Variants in FAT3 observed in about 807,000 individuals in gnomAD.
FAT3 encodes protocadherin Fat 3.
In FAT3, 95 loss-of-function variants were observed where a neutral mutation model predicts 310.2. The observed-to-expected ratio is 0.31, with a 90% CI of 0.26 to 0.36. The LOEUF (loss-of-function observed/expected upper bound fraction) is 0.36, where lower values mean the gene tolerates loss of function less well. Ranked by LOEUF, FAT3 falls within the 10% of genes least tolerant of loss-of-function variation. FAT3 has a pLI of 1.00. For synonymous variants in FAT3, 2,314 were observed against 2,192.9 expected (o/e 1.06, Z -1.54); for missense variants, 5,408 against 5,715.6 (o/e 0.95, Z 1.74).
At chr11:92,707,891 T>A (rs902684176) in intron 4 of FAT3, among the ~76,000 whole-genome samples, 4 of 152,194 alleles carry the variant, frequency 2.6e-5, no homozygotes, top group South Asian at 2.1e-4. Context: ...GACAGCAAGT[T>A]TAAAATATGG....
At chr11:92,311,073 TAC>T (rs907692960) in intron 1 of FAT3, among the ~76,000 whole-genome samples, 59 of 151,896 alleles carry the variant, frequency 3.9e-4, no homozygotes, top group South Asian at 8.3e-4. Context: ...TGTGTACATA[TAC>T]ACACACACAT....
chr11:92,433,526 C>T (rs1004983583), intron 2 of FAT3, among the ~76,000 whole-genome samples: 3 of 152,112 alleles, frequency 2.0e-5, no homozygotes, highest in Admixed American at 2.0e-4. Flanking sequence ...TGAGGCGATG[C>T]CCCACCCTAC....
intron 2 of FAT3, among the ~76,000 whole-genome samples, chr11:92,478,953 T>TTTC (rs373667758): frequency 0.22 from 20,343 of 92,352 alleles, 3,036 homozygotes; most frequent in East Asian, 0.34. Context: ...TCTTTCTTTC[T>TTTC]TTTCTTTTCT....
intron 1 of FAT3, among the ~76,000 whole-genome samples, chr11:92,349,298 C>T (rs748371800): frequency 2.0e-5 from 3 of 152,140 alleles, no homozygotes; most frequent in African/African-American, 4.8e-5. Context: ...CTTACTTTAC[C>T]GTGTTCACAT....
At chr11:92,839,809 A>G (rs1448723921) in intron 17 of FAT3, among the ~76,000 whole-genome samples, 1 of 152,232 alleles carries the variant, frequency 6.6e-6, no homozygotes, top group East Asian at 1.9e-4. Flanking sequence ...GCCGTTTTCA[A>G]CGTGAGGATG....
At chr11:92,436,956 A>G (rs980419327) in intron 2 of FAT3, among the ~76,000 whole-genome samples, 2 of 152,050 alleles carry the variant, frequency 1.3e-5, no homozygotes, top group East Asian at 3.9e-4. Flanking sequence ...GTTTTATGAC[A>G]TTTTCCTAGT....
At chr11:92,870,939 A>G (rs1949371338) in intron 22 of FAT3, among the ~76,000 whole-genome samples, 1 of 152,008 alleles carries the variant, frequency 6.6e-6, no homozygotes, top group South Asian at 2.1e-4. Flanking sequence ...CCACCTACCC[A>G]CCCTCATTTT....
chr11:92,864,516 T>C (rs1409854785), intron 21 of FAT3, among the ~76,000 whole-genome samples: 2 of 152,154 alleles, frequency 1.3e-5, no homozygotes, highest in Non-Finnish European at 2.9e-5. Flanking sequence ...ACAAAGATGA[T>C]AGCATAAGAT....
chr11:92,689,824 A>T (rs1014031750), intron 3 of FAT3, among the ~76,000 whole-genome samples: 6 of 152,170 alleles, frequency 3.9e-5, no homozygotes, highest in African/African-American at 1.4e-4. Context: ...GGACTTTGGA[A>T]GTATTGTCTA....
chr11:92,762,868 G>C (rs1946192468), intron 5 of FAT3, among the ~76,000 whole-genome samples: 1 of 152,006 alleles, frequency 6.6e-6, no homozygotes, highest in Non-Finnish European at 1.5e-5. Context: ...GCATGGTCCA[G>C]GGTCCCAACA....
At chr11:92,424,756 C>T (rs75555574) in intron 2 of FAT3, among the ~76,000 whole-genome samples, 7,261 of 152,120 alleles carry the variant, frequency 0.048, 540 homozygotes, top group African/African-American at 0.15. Flanking sequence ...CACCTCCTTA[C>T]GTTTTGAATT....
chr11:92,698,316 A>G (rs932033174), intron 4 of FAT3, among the ~76,000 whole-genome samples: 2 of 152,184 alleles, frequency 1.3e-5, no homozygotes, highest in African/African-American at 4.8e-5. Context: ...AAATCTGATG[A>G]TAGAATCTCT....
intron 4 of FAT3, among the ~76,000 whole-genome samples, chr11:92,748,188 A>G (rs538359269): frequency 6.6e-6 from 1 of 152,204 alleles, no homozygotes; most frequent in Non-Finnish European, 1.5e-5. Flanking sequence ...TGGAAGGTGA[A>G]TGAGGAGTAA....
At chr11:92,652,794 C>A (rs1942434004) in intron 3 of FAT3, among the ~76,000 whole-genome samples, 1 of 152,208 alleles carries the variant, frequency 6.6e-6, no homozygotes. Context: ...GAAGGTGCTA[C>A]CACCTCTTCC....
chr11:92,834,965 G>T lies in FAT3; in HGVS notation c.9967G>T (p.Ala3323Ser). 6.2e-7 allele frequency: 1 copy of T among 1,613,318 alleles called. No individual in the cohort carries two copies. Among genetic ancestry groups the T allele is most frequent in the Non-Finnish European group, 8.5e-7 (1 of 1,179,636 alleles). Residue 3323 changes from alanine (A) to serine (S), a missense_variant, in exon 15 of 28, where the codon GCT becomes TCT. Around this residue, in one of 5 missense-constraint regions of FAT3, gnomAD observed 4,588 missense variants for 4,809.8 expected, o/e 0.95. Coordinates refer to ENST00000525166, the MANE Select transcript of FAT3 (RefSeq NM_001367949.2). ...AKDGGTPALS[A>S]VATVNINLTD... ...AGATGGGGGCACCCCAGCTCTCAGC[G>T]CTGTGGCCACTGTCAACATCAACCT...
At chr11:92,456,328 G>A (rs921797973) in intron 2 of FAT3, among the ~76,000 whole-genome samples, 5 of 152,142 alleles carry the variant, frequency 3.3e-5, no homozygotes, top group Non-Finnish European at 7.4e-5. Flanking sequence ...TTTCACTGGG[G>A]AGGCAGACTT....
At chr11:92,750,775 C>A (rs1013164625) in intron 4 of FAT3, among the ~76,000 whole-genome samples, 1 of 152,168 alleles carries the variant, frequency 6.6e-6, no homozygotes, top group African/African-American at 2.4e-5. Context: ...TGCAGGCATT[C>A]AGTTCAAGCC....
intron 14 of FAT3, among the ~76,000 whole-genome samples, chr11:92,832,782 C>T (rs1346307477): frequency 1.3e-5 from 2 of 152,170 alleles, no homozygotes; most frequent in Non-Finnish European, 2.9e-5. Context: ...CAACTGTCCA[C>T]ACTTGGACTA....
intron 3 of FAT3, among the ~76,000 whole-genome samples, chr11:92,696,139 T>TAC (rs1169359149): frequency 6.6e-6 from 1 of 151,934 alleles, no homozygotes; most frequent in African/African-American, 2.4e-5. Context: ...TATATATATA[T>TAC]ACCTACAACT....
Sources: gnomAD v4.1 joint callset for allele counts (sites outside exome capture counted in the v4.1 genomes callset) on GRCh38, gnomAD v4.1.1 for gene constraint, gnomAD v4.1.1 regional missense constraint, MANE v1.5 for transcripts, NCBI Gene and HGNC (gene_info 2026-07-23, HGNC 2026-07-21) for gene names.